Variants in OTOGL observed in about 807,000 individuals in gnomAD.
OTOGL encodes otogelin-like protein.
Under a neutral mutation model 318.5 loss-of-function variants are expected in OTOGL, and 285 were observed. The observed-to-expected ratio is 0.89, with a 90% confidence interval of 0.81 to 0.99. The LOEUF is 0.99. Ranked by LOEUF, OTOGL falls within the 50% of genes least tolerant of loss-of-function variation. OTOGL has a pLI of 0.00. For missense variants in OTOGL, 2,899 were observed against 2,845.6 expected, an observed-to-expected ratio of 1.02 and a Z score of -0.43; for synonymous variants, 987 against 936.5, an observed-to-expected ratio of 1.05 and a Z score of -0.99.
In OTOGL at chr12:80,229,367, G is replaced by T; in HGVS notation, c.600G>T (p.Lys200Asn). Residue 200 changes from lysine to asparagine, a missense_variant, in exon 8 of 59, where the codon AAG (lysine) becomes AAT (asparagine). Lys to Asn is a moderately conservative substitution (Grantham distance 94). Around this residue, in one of 3 missense-constraint regions of OTOGL, gnomAD observed 2,607 missense variants for 2,524.9 expected, o/e 1.03. Transcript: ENST00000547103. Reference protein sequence around the residue: ...EIRIYGHEIKKNGISLTLPQT... With the variant: ...EIRIYGHEIKNNGISLTLPQT... ...GAATTTATGGTCATGAAATAAAAAA[G>T]AATGGAATCAGGTAGGATATGGGAA... is the stretch of plus-strand genomic sequence containing the variant. 1.3e-6 allele frequency: 2 copies of T among 1,595,100 alleles called. No homozygotes were observed. Among genetic ancestry groups the T allele is most frequent in the Non-Finnish European group, 1.7e-6 (2 of 1,176,090 alleles).
intron 29 of OTOGL, among the ~76,000 whole-genome samples, chr12:80,307,485 G>T (rs569270894): frequency 5.3e-4 from 79 of 148,216 alleles, no homozygotes; most frequent in Non-Finnish European, 7.8e-4. Flanking sequence ...CCGGGCAGAG[G>T]GGCTCCTCAC....
chr12:80,211,904 G>T, intron 3 of OTOGL, 45 bp from the exon 4 acceptor site: 2 of 1,466,928 alleles, frequency 1.4e-6, no homozygotes, highest in Middle Eastern at 1.7e-4. Flanking sequence ...TGTTCAGGTT[G>T]CCTAGGGGCC....
chr12:80,235,932 A>G (rs1879808012), intron 9 of OTOGL, among the ~76,000 whole-genome samples: 1 of 152,186 alleles, frequency 6.6e-6, no homozygotes. Flanking sequence ...ATGCAAGAAA[A>G]TGTCTATAGA....
At chr12:80,302,806 T>A in intron 28 of OTOGL, 23 bp downstream of exon 28, 1 of 1,417,276 alleles carries the variant, frequency 7.1e-7, no homozygotes, top group Non-Finnish European at 9.3e-7. Flanking sequence ...AAGCTCCAAA[T>A]GAGATGTAAT....
chr12:80,344,370 T>A (rs1889027843), intron 44 of OTOGL, among the ~76,000 whole-genome samples: 1 of 152,154 alleles, frequency 6.6e-6, no homozygotes, highest in Non-Finnish European at 1.5e-5. Context: ...ACTTTTCCCT[T>A]ATAATCTTCC....
chr12:80,184,139 C>T (rs979179400), intron 1 of OTOGL, among the ~76,000 whole-genome samples: 3 of 152,234 alleles, frequency 2.0e-5, no homozygotes, highest in African/African-American at 4.8e-5. Flanking sequence ...CTTGCATTTC[C>T]GTTTCCTATA....
At chr12:80,119,121 C>T (rs1172133973) in intron 1 of OTOGL, among the ~76,000 whole-genome samples, 1 of 152,156 alleles carries the variant, frequency 6.6e-6, no homozygotes, top group African/African-American at 2.4e-5. Context: ...CATCAAGGGG[C>T]TGACCTTTTG....
chr12:80,144,117 A>G (rs1565876575), intron 1 of OTOGL, among the ~76,000 whole-genome samples: 1 of 152,040 alleles, frequency 6.6e-6, no homozygotes. Context: ...CAGGTTAGTT[A>G]CATATGTAAA....
intron 53 of OTOGL, among the ~76,000 whole-genome samples, chr12:80,367,072 G>T (rs1441540143): frequency 6.6e-6 from 1 of 151,612 alleles, no homozygotes; most frequent in East Asian, 1.9e-4. Flanking sequence ...AAACTTCTGG[G>T]CTCAGGCAAT....
chr12:80,100,649 C>A (rs1869084348), intron 1 of OTOGL, among the ~76,000 whole-genome samples: 1 of 152,064 alleles, frequency 6.6e-6, no homozygotes, highest in Non-Finnish European at 1.5e-5. Context: ...GAGAAACTGG[C>A]CACAAGGTCA....
intron 7 of OTOGL, among the ~76,000 whole-genome samples, chr12:80,222,947 GGTTACAT>G (rs1402819973): frequency 1.7e-5 from 2 of 117,578 alleles, no homozygotes; most frequent in Non-Finnish European, 3.3e-5. Flanking sequence ...GATGGTGTTT[GGTTACAT>G]GTTGATTTCT....
Position 80,232,874 on chromosome 12 carries a change from TTTG to T in OTOGL, c.612-15_612-13del. ...ACTTTATCATCATTCTTAGATAGCT[TTTG>T]TTCTGTTTTTCAAGTTTAACATTGC... On this transcript the variant is annotated splice_polypyrimidine_tract_variant and intron_variant, in intron 8 of 58. Transcript: ENST00000547103. 6.4e-7 allele frequency: 1 copy of T among 1,564,884 alleles called. No individual in the cohort carries two copies. The highest frequency in any genetic ancestry group is 8.7e-7 in the Non-Finnish European group (1 of 1,149,722).
chr12:80,224,236 G>T (rs1233347806), intron 7 of OTOGL, among the ~76,000 whole-genome samples: 2 of 152,078 alleles, frequency 1.3e-5, no homozygotes, highest in South Asian at 4.1e-4. Flanking sequence ...TTAGTTGGCT[G>T]TAAGCATCTG....
chr12:80,355,371 T>C (rs1028678262), intron 46 of OTOGL, among the ~76,000 whole-genome samples: 1 of 151,600 alleles, frequency 6.6e-6, no homozygotes, highest in African/African-American at 2.4e-5. Context: ...ACTACAGGCA[T>C]GCCACTACAC....
intron 5 of OTOGL, among the ~76,000 whole-genome samples, chr12:80,219,478 A>C (rs758551778): frequency 7.2e-5 from 11 of 152,200 alleles, no homozygotes; most frequent in Non-Finnish European, 1.2e-4. Flanking sequence ...CTGTCAACGG[A>C]ATCATCTGCA....
chr12:80,165,473 G>C (rs769066901), intron 1 of OTOGL, among the ~76,000 whole-genome samples: 18 of 152,164 alleles, frequency 1.2e-4, no homozygotes, highest in Non-Finnish European at 2.2e-4. Context: ...ATATTCTCAA[G>C]TTGTTCCTTC....
At chr12:80,128,940 C>G (rs1592476093) in intron 1 of OTOGL, among the ~76,000 whole-genome samples, 1 of 152,204 alleles carries the variant, frequency 6.6e-6, no homozygotes, top group Admixed American at 6.5e-5. Context: ...CCATCTGTCA[C>G]CCCTTTCCTT....
At chr12:80,161,068 T>C (rs1182251320) in intron 1 of OTOGL, among the ~76,000 whole-genome samples, 3 of 151,936 alleles carry the variant, frequency 2.0e-5, no homozygotes, top group Admixed American at 1.3e-4. Flanking sequence ...TAATGGACTT[T>C]GGGGACTCGG....
At chr12:80,195,104 T>C (rs1026888003) in intron 1 of OTOGL, among the ~76,000 whole-genome samples, 5 of 152,220 alleles carry the variant, frequency 3.3e-5, no homozygotes, top group African/African-American at 1.2e-4. Flanking sequence ...GAGCTTGATG[T>C]TTATAAGTTT....
Sources: allele counts gnomAD v4.1 joint callset (sites outside exome capture counted in the v4.1 genomes callset), GRCh38; gene constraint gnomAD v4.1.1; regional missense constraint gnomAD v4.1.1; transcripts MANE v1.5; gene names NCBI Gene and HGNC (gene_info 2026-07-23, HGNC 2026-07-21).